ZNF385D: variants seen among roughly 807,000 people sequenced by gnomAD.
The protein encoded by ZNF385D is zinc finger protein 385D.
In ZNF385D, 15 loss-of-function variants were observed where a neutral mutation model predicts 35.8. The ratio of observed to expected loss-of-function variants is 0.42; its 90% CI spans 0.28 to 0.64. ZNF385D has a LOEUF of 0.64. Ranked by LOEUF, ZNF385D falls within the 30% of genes least tolerant of loss-of-function variation. The probability of loss-of-function intolerance (pLI) is 0.23; values close to 1 mark genes in which losing one functional copy is unlikely to be tolerated. For synonymous variants in ZNF385D, 212 were observed against 186.8 expected, an observed-to-expected ratio of 1.13 and a Z score of -1.10; for missense variants, 474 against 494.6, an observed-to-expected ratio of 0.96 and a Z score of 0.39.
intron 3 of ZNF385D, among the ~76,000 whole-genome samples, chr3:21,781,351 C>G (rs899470060): frequency 2.6e-5 from 4 of 151,994 alleles, no homozygotes; most frequent in Non-Finnish European, 5.9e-5. Context: ...TCCATATCTA[C>G]AATGTATAAA....
At chr3:21,732,117 C>T (rs529397695) in intron 1 of ZNF385D, among the ~76,000 whole-genome samples, 16 of 134,424 alleles carry the variant, frequency 1.2e-4, no homozygotes, top group East Asian at 4.7e-4. Flanking sequence ...TGCAGTGGCG[C>T]GAGCTCACTG....
intron 1 of ZNF385D, among the ~76,000 whole-genome samples, chr3:21,727,389 C>T (rs776389566): frequency 1.3e-5 from 2 of 152,086 alleles, no homozygotes; most frequent in East Asian, 3.9e-4. Context: ...AACAGGCAAC[C>T]TACAGAATGG....
chr3:21,554,375 T>C (rs1454350206), intron 3 of ZNF385D, among the ~76,000 whole-genome samples: 1 of 152,104 alleles, frequency 6.6e-6, no homozygotes, highest in East Asian at 1.9e-4. Context: ...ATCTCAAGAG[T>C]GGGCTTAAAA....
At chr3:21,721,024 A>T (rs115662388) in intron 1 of ZNF385D, among the ~76,000 whole-genome samples, 1,974 of 152,294 alleles carry the variant, frequency 0.013, 35 homozygotes, top group African/African-American at 0.044. Context: ...TTTAATTTTT[A>T]AAAAACATAT....
intron 2 of ZNF385D, among the ~76,000 whole-genome samples, chr3:22,220,392 T>C (rs1698180900): frequency 6.6e-6 from 1 of 151,692 alleles, no homozygotes; most frequent in African/African-American, 2.4e-5. Context: ...CTGACTCTAA[T>C]TTCTCCAATT....
chr3:21,817,193 T>A lies in ZNF385D; in HGVS notation c.326-152165A>T, dbSNP rs190357389. ...TATACAAAAATTAATTCAAGATGGA[T>A]TAAAGACTTAAATGTTAGATGTAAA... is the stretch of plus-strand genomic sequence containing the variant. On this transcript the variant is annotated intron_variant, in intron 3 of 5. Coordinates refer to the ZNF385D transcript ENST00000494108. 4.5e-3 allele frequency among the ~76,000 whole-genome samples: 691 copies of A among 152,298 alleles called. 10 individuals are homozygous for A. Among genetic ancestry groups the A allele is most frequent in the African/African-American group, 0.015 (642 of 41,552 alleles).
At chr3:21,864,687 T>C (rs141155844) in intron 3 of ZNF385D, among the ~76,000 whole-genome samples, 236 of 152,236 alleles carry the variant, frequency 1.6e-3, no homozygotes, top group Non-Finnish European at 2.3e-3. Flanking sequence ...AGTGAGTCTT[T>C]TTGCTATGGG....
chr3:21,649,622 A>G (rs1476300160), intron 2 of ZNF385D, among the ~76,000 whole-genome samples: 1 of 152,252 alleles, frequency 6.6e-6, no homozygotes, highest in Non-Finnish European at 1.5e-5. Context: ...TCTTTCATTG[A>G]AAGTTTTAAA....
intron 3 of ZNF385D, among the ~76,000 whole-genome samples, chr3:21,760,029 C>T (rs1575602206): frequency 6.6e-6 from 1 of 152,242 alleles, no homozygotes; most frequent in South Asian, 2.1e-4. Flanking sequence ...CTTCCTCTGT[C>T]AAAATGTCTG....
chr3:22,372,642 C>T, exon 2 of ZNF385D: 1 of 337,950 alleles, frequency 3.0e-6, no homozygotes, highest in Non-Finnish European at 4.2e-6. Flanking sequence ...CGCCGCGAGC[C>T]GTGAGCGGCG....
chr3:21,658,851 C>T (rs760224015), intron 2 of ZNF385D, among the ~76,000 whole-genome samples: 2 of 152,008 alleles, frequency 1.3e-5, no homozygotes, highest in Non-Finnish European at 2.9e-5. Flanking sequence ...AATGATTTAA[C>T]TACTCCACCC....
chr3:22,123,547 A>T (rs1157048054), intron 3 of ZNF385D, among the ~76,000 whole-genome samples: 1 of 152,186 alleles, frequency 6.6e-6, no homozygotes, highest in Admixed American at 6.5e-5. Flanking sequence ...AAATGTATAT[A>T]AAATGTACAA....
rs139063611 is a variant in ZNF385D, at chr3:22,084,808, T to C, written c.325+84009A>G. Among the ~76,000 whole-genome samples, 30 of 152,278 alleles carry C rather than the reference T, an allele frequency of 2.0e-4. No individual in the cohort carries two copies. The East Asian group carries it at 2.5e-3, about 13-fold the overall frequency. On this transcript the variant is annotated intron_variant, in intron 3 of 5. Transcript: ENST00000494108. ...GCACCACATCACAGTTATTCCAAAA[T>C]TGACCACATAGTTGGAAGTAAAGCA...
chr3:21,960,203 T>TACACACACACACAC lies in ZNF385D; in HGVS notation c.325+208613_325+208614insGTGTGTGTGTGTGT, dbSNP rs61528907. The stretch of plus-strand genomic sequence containing the variant: ...AAGAAACTCAACAACTAAACAGCAA[T>TACACACACACACAC]ACACACACACACCCTCCCCAACACA... On this transcript the variant is annotated intron_variant, in intron 3 of 5. Coordinates refer to the ZNF385D transcript ENST00000494108. Among the ~76,000 whole-genome samples the TACACACACACACAC allele has an allele frequency of 2.6e-3, 391 of 149,404 alleles. 4 individuals carry two copies. The highest frequency in any genetic ancestry group is 8.7e-3 in the African/African-American group (352 of 40,438).
At chr3:21,714,888 A>G (rs1048293641) in intron 1 of ZNF385D, among the ~76,000 whole-genome samples, 1 of 152,196 alleles carries the variant, frequency 6.6e-6, no homozygotes, top group African/African-American at 2.4e-5. Flanking sequence ...TGCATATTAA[A>G]ATGGTTACTA....
rs754125912 is a variant in ZNF385D at position 21,510,855 on chromosome 3, C to A, written c.439+6G>T. ...AGGACAACAACAACAAAGATCATTG[C>A]TTAACCTGTTTTGTCAGAGCTGGTA... On this transcript the variant is annotated splice_donor_region_variant and intron_variant, in intron 4 of 7. Transcript: ENST00000281523. 1.9e-6 allele frequency: 3 copies of A among 1,613,916 alleles called. No homozygotes were observed. The highest frequency in any genetic ancestry group is 2.5e-6 in the Non-Finnish European group (3 of 1,179,860).
chr3:22,088,734 G>T (rs996806852), intron 3 of ZNF385D, among the ~76,000 whole-genome samples: 1 of 152,070 alleles, frequency 6.6e-6, no homozygotes, highest in East Asian at 1.9e-4. Flanking sequence ...CAAAGCAAAA[G>T]ATTCCCAAGA....
intron 3 of ZNF385D, among the ~76,000 whole-genome samples, chr3:22,004,654 A>T (rs1241623671): frequency 6.6e-6 from 1 of 152,174 alleles, no homozygotes; most frequent in African/African-American, 2.4e-5. Flanking sequence ...CCTCACAAGG[A>T]ATTTCCTTGT....
chr3:21,556,810 A>G (rs1271752161), intron 3 of ZNF385D, among the ~76,000 whole-genome samples: 1 of 152,322 alleles, frequency 6.6e-6, no homozygotes, highest in Middle Eastern at 3.4e-3. Flanking sequence ...ATCCGTGGGC[A>G]TGGAATGTTT....
Sources: gnomAD v4.1 joint callset for allele counts (sites outside exome capture counted in the v4.1 genomes callset) on GRCh38, gnomAD v4.1.1 for gene constraint, MANE v1.5 for transcripts, NCBI Gene and HGNC (gene_info 2026-07-23, HGNC 2026-07-21) for gene names.